The following EPN3 variants were observed in gnomAD, a reference collection of about 807,000 sequenced individuals.
The protein encoded by EPN3 is epsin-3.
Under a neutral mutation model 55.5 loss-of-function variants are expected in EPN3, and 56 were observed. The ratio of observed to expected loss-of-function variants is 1.01; its 90% confidence interval spans 0.81 to 1.26. The LOEUF (loss-of-function observed/expected upper bound fraction) is 1.26. EPN3 is among the 50% of genes most tolerant of loss of function. The pLI is 0.00. For synonymous variants in EPN3, 449 were observed against 375.2 expected, an observed-to-expected ratio of 1.20 and a Z score of -2.27; for missense variants, 927 against 853.4, an observed-to-expected ratio of 1.09 and a Z score of -1.07.
Position 50,540,904 on chromosome 17 carries a change from C to T in EPN3, c.1091C>T (p.Thr364Ile), listed in dbSNP as rs1203643726. 3 of 1,614,080 alleles carry T rather than the reference C, an allele frequency of 1.9e-6. No homozygotes were observed. In the African/African-American group the frequency reaches 4.0e-5, roughly 22 times the overall value. ...TCCCGAAGCCAGCCCTGGGATCTGACTCCCATGCTCTCCTCCTCTGAGCCC... is the reference window on the plus strand; with the variant it reads ...TCCCGAAGCCAGCCCTGGGATCTGATTCCCATGCTCTCCTCCTCTGAGCCC... ...VLSRSQPWDL[T>I]PMLSSSEPWG... The change falls in exon 7 of 10, where the codon ACT (threonine) becomes ATT (isoleucine). Residue 364 changes from threonine to isoleucine, a missense_variant. By Grantham distance (89) the Thr-to-Ile change is moderately conservative (BLOSUM62 -1). Coordinates refer to ENST00000268933, the MANE Select transcript of EPN3 (RefSeq NM_017957.3).
At chr17:50,537,276 T>C (rs1325071556) in intron 2 of EPN3, 158 bp downstream of exon 2, 16 of 719,756 alleles carry the variant, frequency 2.2e-5, no homozygotes, top group Middle Eastern at 3.9e-4. Context: ...ACCCGGCACA[T>C]AGGAGGTGCT....
chr17:50,542,197 C>A lies in EPN3; in HGVS notation c.*40C>A, dbSNP rs1303966137. ...CATACCGGCCTGCGCCTGCGCCGGA[C>A]GCTCCGCGGCCCCGCCTCCGGACCC... On this transcript the variant is annotated 3_prime_UTR_variant, in exon 10 of 10. Coordinates refer to ENST00000268933, the MANE Select transcript of EPN3 (RefSeq NM_017957.3). 4 of 1,428,602 alleles carry A rather than the reference C, an allele frequency of 2.8e-6. No homozygotes were observed. The highest frequency in any genetic ancestry group is 3.6e-6 in the Non-Finnish European group (4 of 1,101,120). The allele number at this position is 1,428,602 out of a possible 1,614,324, so 88.5% of individuals were successfully genotyped here.
intron 5 of EPN3, 122 bp from the exon 6 acceptor site, chr17:50,540,125 C>T (rs2034824402): frequency 1.4e-6 from 1 of 707,662 alleles, no homozygotes; most frequent in Non-Finnish European, 2.5e-6. Flanking sequence ...GGTGAGGGAT[C>T]ATGAATAGGT....
At chr17:50,535,888 G>A (rs1328554452) in intron 1 of EPN3, 1 of 152,388 alleles carries the variant, frequency 6.6e-6, no homozygotes. Context: ...TGGCCGAGCA[G>A]AAGCAAGGCA....
Position 50,540,830 on chromosome 17 carries a change from G to C in EPN3, c.1017G>C (p.Trp339Cys). ...RPNTEASGSSWGPSADPWSPI... is the reference protein window; with the variant it reads ...RPNTEASGSSCGPSADPWSPI... ...ACACAGAGGCCAGTGGATCCTCCTG[G>C]GGGCCTTCTGCAGACCCCTGGTCTC... Residue 339 changes from tryptophan to cysteine, a missense_variant, in exon 7 of 10, where the codon TGG (tryptophan) becomes TGC (cysteine). Transcript: ENST00000268933. 6.2e-7 allele frequency: 1 copy of C among 1,613,802 alleles called. No individual in the cohort carries two copies. The highest frequency in any genetic ancestry group is 1.7e-4 in the Middle Eastern group (1 of 6,058).
chr17:50,538,239 T>A, intron 3 of EPN3, 42 bp downstream of exon 3: 2 of 1,529,680 alleles, frequency 1.3e-6, no homozygotes, highest in Non-Finnish European at 1.8e-6. Flanking sequence ...GGGGATGGGC[T>A]AGGGGGAGAG....
At position 50,539,233 on chromosome 17, in the gene EPN3, C is replaced by T; in HGVS notation, c.809C>T (p.Ala270Val). 6.2e-7 allele frequency: 1 copy of T among 1,614,188 alleles called. No homozygotes were observed. The highest frequency in any genetic ancestry group is 1.3e-5 in the African/African-American group (1 of 75,046). Reference sequence around the variant, plus strand: ...GATGGCTCCCCCATGGCCAATGGTGCAGGGGCCGTGGTCCACCATCAGCGG... The same window carrying T: ...GATGGCTCCCCCATGGCCAATGGTGTAGGGGCCGTGGTCCACCATCAGCGG... Reference protein sequence around the residue: ...QGDGSPMANGAGAVVHHQRDR... With the variant: ...QGDGSPMANGVGAVVHHQRDR... The change falls in exon 5 of 10, where the codon GCA becomes GTA. Residue 270 changes from alanine to valine, a missense_variant. Ala to Val is a moderately conservative substitution (Grantham distance 64). Transcript: ENST00000268933.
chr17:50,539,199 T>C lies in EPN3; in HGVS notation c.775T>C (p.Trp259Arg). The C allele has an allele frequency of 6.2e-7, 1 of 1,614,036 alleles. No homozygotes were observed. The highest frequency in any genetic ancestry group is 8.5e-7 in the Non-Finnish European group (1 of 1,179,984). Residue 259 changes from tryptophan (W) to arginine (R), a missense_variant, in exon 5 of 10, where the codon TGG (tryptophan) becomes CGG (arginine). Physicochemically the swap from Trp to Arg is moderately radical, Grantham distance 101. Coordinates refer to ENST00000268933, the MANE Select transcript of EPN3 (RefSeq NM_017957.3). Reference sequence around the variant, plus strand: ...GTGCCTTCTGCAGGAGGTGAGGTCCTGGCAGGGTGATGGCTCCCCCATGGC... The same window carrying C: ...GTGCCTTCTGCAGGAGGTGAGGTCCCGGCAGGGTGATGGCTCCCCCATGGC... ...RQEHEKEVRS[W>R]QGDGSPMANG...
Position 50,542,164 on chromosome 17 carries a change from C to CCCCGT in EPN3, c.*11_*15dup. The CCCCGT allele has an allele frequency of 6.7e-7, 1 of 1,487,150 alleles. No individual in the cohort carries two copies. 92.1% of individuals were successfully genotyped at this position (1,487,150 alleles called of 1,614,324 possible). A position where few individuals can be genotyped will look rare whatever the true frequency, so the allele number is the denominator to read the frequency against. ...CACCAACCCCTTCCTCTGAGCCCCGCCCCGTCCCATACCGGCCTGCGCCTG... is the reference window on the plus strand; with the variant it reads ...CACCAACCCCTTCCTCTGAGCCCCGCCCCGTCCCGTCCCATACCGGCCTGCGCCTG... On this transcript the variant is annotated 3_prime_UTR_variant, in exon 10 of 10. Coordinates refer to ENST00000268933, the MANE Select transcript of EPN3 (RefSeq NM_017957.3).
chr17:50,534,701 G>T, intron 1 of EPN3: 2 of 963,304 alleles, frequency 2.1e-6, no homozygotes, highest in Non-Finnish European at 2.5e-6. Context: ...CACTCCCACG[G>T]TATCTTATTC....
At chr17:50,541,443 G>A (rs2034847564) in intron 8 of EPN3, 21 bp from the exon 9 acceptor site, 1 of 1,612,618 alleles carries the variant, frequency 6.2e-7, no homozygotes, top group South Asian at 1.1e-5. Flanking sequence ...CCACCAATTA[G>A]CTCTAGCATT....
chr17:50,538,004 A>T (rs937072656), intron 2 of EPN3, 75 bp from the exon 3 acceptor site: 2 of 1,244,008 alleles, frequency 1.6e-6, no homozygotes, highest in Non-Finnish European at 2.3e-6. Context: ...CTTGAGCCTC[A>T]GCTTCCTGGC....
rs1171403242 is a variant in EPN3, at chr17:50,539,068, C to T, written c.762+104C>T. 4 of 1,548,726 alleles carry T rather than the reference C, an allele frequency of 2.6e-6. No individual in the cohort carries two copies. The African/African-American group carries it at 4.1e-5, about 16-fold the overall frequency. The stretch of plus-strand genomic sequence containing the variant: ...CCCGCTGTACCCGGTGGCCCTGCTG[C>T]TCCTAACCTCTCAGCTGCCTCCCAC... On this transcript the variant is annotated intron_variant, in intron 4 of 9. Transcript: ENST00000268933.
rs766653135 is a variant in EPN3 at position 50,536,551 on chromosome 17, C to T, written c.-6C>T. On this transcript the variant is annotated 5_prime_UTR_variant, in exon 2 of 10. Transcript: ENST00000268933. Reference sequence around the variant, plus strand: ...GCGAGGGCCACCCACCTCCAAGTCTCCAGCCATGACGACCTCCGCACTCCG... The same window carrying T: ...GCGAGGGCCACCCACCTCCAAGTCTTCAGCCATGACGACCTCCGCACTCCG... The T allele has an allele frequency of 3.5e-5, 57 of 1,613,684 alleles. No homozygotes were observed. In the Middle Eastern group the frequency reaches 6.6e-4, roughly 19 times the overall value.
At position 50,534,328 on chromosome 17, in the gene EPN3, G is replaced by A. The variant is rs922244770; in HGVS notation, c.-137+1343G>A. 1.7e-5 allele frequency: 14 copies of A among 829,222 alleles called. No individual in the cohort carries two copies. The Admixed American group carries it at 4.3e-4, about 26-fold the overall frequency. The allele number at this position is 829,222 out of a possible 1,614,324, so 51.4% of individuals were successfully genotyped here. ...CAGGCAGGGCCGCTGGGCCCACACC[G>A]AGAGTCCCCTCCCAGAGGCTGGTGC... is the stretch of plus-strand genomic sequence containing the variant. On this transcript the variant is annotated intron_variant, in intron 1 of 9. Coordinates refer to ENST00000268933, the MANE Select transcript of EPN3 (RefSeq NM_017957.3).
chr17:50,540,055 T>C, intron 5 of EPN3, 192 bp from the exon 6 acceptor site: 1 of 470,688 alleles, frequency 2.1e-6, no homozygotes, highest in Non-Finnish European at 3.8e-6. Context: ...ACAGGGTTGT[T>C]ATGAAAATCA....
rs372458882 is a variant in EPN3, at chr17:50,536,679, C to T, written c.123C>T (p.Ser41=). 111 of 1,613,982 alleles carry T rather than the reference C, an allele frequency of 6.9e-5. No individual in the cohort carries two copies. The highest frequency in any genetic ancestry group is 5.6e-4 in the African/African-American group (42 of 74,894). ...GGGGCCCCCCTAGTTCGCTCATGTC[C>T]GAGATCGCTGACCTGACCTTCAACA... ...DPWGPPSSLM[S]EIADLTFNTV... is the part of the protein sequence containing the mutation. Residue 41 remains serine, a synonymous_variant, in exon 2 of 10, where the codon TCC becomes TCT. Coordinates refer to ENST00000268933, the MANE Select transcript of EPN3 (RefSeq NM_017957.3).
rs2144040338 is a variant in EPN3 at position 50,541,729 on chromosome 17, C to T, written c.1585+35C>T. ...GCCCTTGTCCCTCAACCCAGGGGCT[C>T]CTGCTTTCAGAGCCTAGCCTCCGCC... On this transcript the variant is annotated intron_variant, in intron 9 of 9. Transcript: ENST00000268933. 5 of 1,609,562 alleles carry T rather than the reference C, an allele frequency of 3.1e-6. No individual in the cohort carries two copies. The Middle Eastern group carries it at 5.0e-4, about 160-fold the overall frequency.
Position 50,538,210 on chromosome 17 carries a change from A to G in EPN3, c.681+13A>G. On this transcript the variant is annotated intron_variant, in intron 3 of 9. Transcript: ENST00000268933. ...GGAGGCAGAGAAGGTGAGGCCATGC[A>G]GCCCCACTGCGGTGGGGAGGGGATG... The G allele has an allele frequency of 6.3e-7, 1 of 1,599,342 alleles. No individual in the cohort carries two copies. The highest frequency in any genetic ancestry group is 1.1e-5 in the South Asian group (1 of 90,620).
Sources: allele counts gnomAD v4.1 joint callset, GRCh38; gene constraint gnomAD v4.1.1; transcripts MANE v1.5; gene names NCBI Gene and HGNC (gene_info 2026-07-23, HGNC 2026-07-21).